The following RXFP2 variants were observed in gnomAD, a reference collection of about 807,000 sequenced individuals.
RXFP2 encodes relaxin receptor 2.
In RXFP2, 68 loss-of-function variants were observed where a neutral mutation model predicts 88.6. The observed-to-expected ratio is 0.77, with a 90% CI of 0.63 to 0.94. RXFP2 has a LOEUF of 0.94. Ranked by LOEUF, RXFP2 falls within the 40% of genes least tolerant of loss-of-function variation. The pLI is 0.00. For missense variants in RXFP2, 791 were observed against 893.9 expected (o/e 0.88, Z 1.47); for synonymous variants, 329 against 306.8 (o/e 1.07, Z -0.76).
intron 3 of RXFP2, among the ~76,000 whole-genome samples, chr13:31,764,322 T>C (rs1872451106): frequency 6.6e-6 from 1 of 151,128 alleles, no homozygotes; most frequent in South Asian, 2.1e-4. Flanking sequence ...TGGCCTGGCT[T>C]CTCCTTAGAT....
At chr13:31,746,562 T>G (rs1447916382) in intron 1 of RXFP2, among the ~76,000 whole-genome samples, 1 of 152,174 alleles carries the variant, frequency 6.6e-6, no homozygotes, top group Non-Finnish European at 1.5e-5. Context: ...ATTAATAAAC[T>G]CATAAGACAA....
At chr13:31,763,631 A>C (rs549517333) in intron 3 of RXFP2, among the ~76,000 whole-genome samples, 1 of 152,314 alleles carries the variant, frequency 6.6e-6, no homozygotes, top group Non-Finnish European at 1.5e-5. Context: ...GTAGAGAGAG[A>C]TGCAAAAGGA....
intron 2 of RXFP2, among the ~76,000 whole-genome samples, chr13:31,759,693 G>A (rs923821569): frequency 6.6e-6 from 1 of 152,146 alleles, no homozygotes; most frequent in Non-Finnish European, 1.5e-5. Flanking sequence ...TGCCAAGAGA[G>A]GCTGACATGT....
chr13:31,800,277 T>C (rs1221374945), intron 17 of RXFP2, among the ~76,000 whole-genome samples: 3 of 152,128 alleles, frequency 2.0e-5, no homozygotes, highest in African/African-American at 7.2e-5. Flanking sequence ...AGTTAGCCTA[T>C]CTCAGAACTC....
intron 9 of RXFP2, 38 bp from the exon 10 acceptor site, chr13:31,781,633 A>G (rs889362508): frequency 3.5e-6 from 5 of 1,442,036 alleles, no homozygotes; most frequent in Non-Finnish European, 4.8e-6. Flanking sequence ...TGATTTGTAC[A>G]AAAAATATTA....
rs1183678749 is a variant in RXFP2 at position 31,774,668 on chromosome 13, T to C, written c.546T>C (p.Phe182=). ...GACACATATCCAGGAAAGCATTTTT[T>C]GGATTATGTAATCTGCAAATATTGT... is the stretch of plus-strand genomic sequence containing the variant. ...CIRHISRKAF[F]GLCNLQILYL... is the part of the protein sequence containing the mutation. The change falls in exon 6 of 18, where the codon TTT becomes TTC. Residue 182 remains phenylalanine (F), a synonymous_variant. Transcript: ENST00000298386. The C allele has an allele frequency of 6.5e-6, 10 of 1,549,330 alleles. No homozygotes were observed. Among genetic ancestry groups the C allele is most frequent in the East Asian group, 2.2e-5 (1 of 44,570 alleles).
intron 16 of RXFP2, among the ~76,000 whole-genome samples, chr13:31,795,231 C>T (rs957258979): frequency 8.6e-5 from 13 of 151,612 alleles, no homozygotes; most frequent in Non-Finnish European, 1.5e-4. Flanking sequence ...CTCCCTGCAA[C>T]CTCCGCCTCC....
chr13:31,762,901 G>A (rs569747511), intron 3 of RXFP2, among the ~76,000 whole-genome samples: 1 of 151,868 alleles, frequency 6.6e-6, no homozygotes, highest in African/African-American at 2.4e-5. Flanking sequence ...TCATAGTTTT[G>A]GGCCTTATGT....
intron 13 of RXFP2, among the ~76,000 whole-genome samples, chr13:31,787,322 G>C (rs1445418198): frequency 6.6e-6 from 1 of 152,092 alleles, no homozygotes; most frequent in Non-Finnish European, 1.5e-5. Flanking sequence ...ATTCTTGCTA[G>C]TTTTCTATCA....
chr13:31,791,098 G>A (rs78530398), intron 14 of RXFP2, among the ~76,000 whole-genome samples: 3,527 of 152,322 alleles, frequency 0.023, 75 homozygotes, highest in Non-Finnish European at 0.04. Flanking sequence ...AGTTTTATGA[G>A]AGAAAATTCT....
At chr13:31,746,130 T>G (rs1326978191) in intron 1 of RXFP2, among the ~76,000 whole-genome samples, 2 of 152,186 alleles carry the variant, frequency 1.3e-5, no homozygotes, top group African/African-American at 4.8e-5. Flanking sequence ...ATTCCAGAAC[T>G]CCAGCCCCTG....
chr13:31,746,976 C>T (rs1354359228), intron 1 of RXFP2, among the ~76,000 whole-genome samples: 1 of 152,170 alleles, frequency 6.6e-6, no homozygotes, highest in Non-Finnish European at 1.5e-5. Flanking sequence ...TAATAATCTA[C>T]ACTGAGTGTT....
intron 1 of RXFP2, among the ~76,000 whole-genome samples, chr13:31,752,924 T>C (rs1175696755): frequency 2.6e-5 from 4 of 152,224 alleles, no homozygotes; most frequent in Non-Finnish European, 5.9e-5. Flanking sequence ...GAATGTTCCC[T>C]CTGGTGCTGC....
chr13:31,739,636 A>G lies in RXFP2; in HGVS notation c.24A>G (p.Lys8=), dbSNP rs1566208452. Residue 8 remains lysine, a synonymous_variant, in exon 1 of 18, where the codon AAA becomes AAG. Transcript: ENST00000298386. The part of the protein sequence containing the change: MIVFLVF[K]HLFSLRLITM... ...CTATGATTGTTTTTCTGGTTTTTAAACATCTCTTCAGCCTCAGATTGATTA... is the reference window on the plus strand; with the variant it reads ...CTATGATTGTTTTTCTGGTTTTTAAGCATCTCTTCAGCCTCAGATTGATTA... 1.2e-6 allele frequency: 2 copies of G among 1,605,664 alleles called. No homozygotes were observed. The highest frequency in any genetic ancestry group is 1.7e-6 in the Non-Finnish European group (2 of 1,172,438).
chr13:31,782,558 C>T (rs1404945701), intron 10 of RXFP2, 118 bp from the exon 11 acceptor site: 1 of 777,446 alleles, frequency 1.3e-6, no homozygotes, highest in Non-Finnish European at 2.3e-6. Context: ...AAGATGCCTC[C>T]CTTGAAGACT....
At chr13:31,754,430 A>G (rs1422334385) in intron 1 of RXFP2, among the ~76,000 whole-genome samples, 1 of 151,966 alleles carries the variant, frequency 6.6e-6, no homozygotes, top group Non-Finnish European at 1.5e-5. Context: ...ACTGGGGAGG[A>G]TGAGACAGGA....
chr13:31,747,941 A>G (rs1459370433), intron 1 of RXFP2, among the ~76,000 whole-genome samples: 1 of 152,198 alleles, frequency 6.6e-6, no homozygotes, highest in African/African-American at 2.4e-5. Context: ...TTAGTATCTT[A>G]ATTATCTTAA....
At position 31,751,846 on chromosome 13, in the gene RXFP2, C is replaced by T. The variant is rs549019010; in HGVS notation, c.95-6412C>T. Among the ~76,000 whole-genome samples the T allele has an allele frequency of 2.0e-5, 3 of 152,296 alleles. No homozygotes were observed. The South Asian group carries it at 6.2e-4, about 32-fold the overall frequency. On this transcript the variant is annotated intron_variant, in intron 1 of 17. Transcript: ENST00000298386. ...ACTGCCCATTCTCTCCATTCACTCG[C>T]CTCAGGCAGGCTTTAGGAAGAAGGT...
rs1479498777 is a variant in RXFP2 at position 31,789,161 on chromosome 13, A to T, written c.1113A>T (p.Arg371=). 1 of 1,609,002 alleles carries T rather than the reference A, an allele frequency of 6.2e-7. No individual in the cohort carries two copies. Among genetic ancestry groups the T allele is most frequent in the Admixed American group, 1.7e-5 (1 of 60,024 alleles). The change falls in exon 14 of 18, where the codon CGA becomes CGT. Residue 371 remains arginine (R), a synonymous_variant. Coordinates refer to ENST00000298386, the MANE Select transcript of RXFP2 (RefSeq NM_130806.5). ...TAGAGATTCCAAATATAAACACACG[A>T]ATGTTTCAACCCATGAAGAATCTTT... The part of the protein sequence containing the change: ...ERIEIPNINT[R]MFQPMKNLSH...
Sources: allele counts gnomAD v4.1 joint callset (sites outside exome capture counted in the v4.1 genomes callset), GRCh38; gene constraint gnomAD v4.1.1; transcripts MANE v1.5; gene names NCBI Gene and HGNC (gene_info 2026-07-23, HGNC 2026-07-21).